The following AHI1 variants were observed in gnomAD, a reference collection of about 807,000 sequenced individuals.
AHI1 encodes the protein Abelson helper integration site 1, also known as jouberin.
In AHI1, 123 loss-of-function variants were observed where a neutral mutation model predicts 149.3. The ratio of observed to expected loss-of-function variants is 0.82; its 90% CI spans 0.71 to 0.96. The LOEUF is 0.96. Among genes scored for constraint, AHI1 ranks in the 40% least tolerant of loss-of-function variants. The probability of loss-of-function intolerance (pLI) is 0.00; values close to 1 mark genes in which losing one functional copy is unlikely to be tolerated. For synonymous variants in AHI1, 475 were observed against 459.8 expected (o/e 1.03, Z -0.42); for missense variants, 1,439 against 1,422.7 (o/e 1.01, Z -0.18).
intron 25 of AHI1, among the ~76,000 whole-genome samples, chr6:135,319,566 T>C (rs1271094623): frequency 6.6e-6 from 1 of 152,228 alleles, no homozygotes; most frequent in East Asian, 1.9e-4. Flanking sequence ...TATACAGTGT[T>C]GAATTTAAGA....
intron 22 of AHI1, 50 bp downstream of exon 22, chr6:135,404,901 A>T: frequency 6.5e-7 from 1 of 1,550,114 alleles, no homozygotes; most frequent in Non-Finnish European, 8.9e-7. Flanking sequence ...AGTTCTTTGG[A>T]GCATCACTAT....
At chr6:135,491,949 T>G (rs1383628180) in intron 4 of AHI1, among the ~76,000 whole-genome samples, 1 of 152,184 alleles carries the variant, frequency 6.6e-6, no homozygotes, top group African/African-American at 2.4e-5. Flanking sequence ...AACATTCAAT[T>G]TTGATGATAA....
At chr6:135,482,179 A>G (rs748534390) in intron 5 of AHI1, among the ~76,000 whole-genome samples, 6 of 152,140 alleles carry the variant, frequency 3.9e-5, no homozygotes, top group Non-Finnish European at 5.9e-5. Context: ...TCAAGTACAC[A>G]TAAGTTAAAA....
intron 23 of AHI1, among the ~76,000 whole-genome samples, chr6:135,393,182 C>G (rs9321503): frequency 6.6e-6 from 1 of 151,760 alleles, no homozygotes; most frequent in African/African-American, 2.4e-5. Context: ...TTATCATATC[C>G]CTCTTTCCCT....
intron 24 of AHI1, among the ~76,000 whole-genome samples, chr6:135,357,333 T>C (rs964920709): frequency 2.6e-5 from 4 of 152,216 alleles, no homozygotes; most frequent in Non-Finnish European, 5.9e-5. Flanking sequence ...AACATTGACA[T>C]GACTTTCAAA....
At chr6:135,479,582 CTTT>C (rs1177041860) in intron 5 of AHI1, among the ~76,000 whole-genome samples, 2 of 151,802 alleles carry the variant, frequency 1.3e-5, no homozygotes, top group Non-Finnish European at 1.5e-5. Context: ...AAGTAACTAA[CTTT>C]TTTTTTATTT....
chr6:135,415,347 T>A (rs1177899292), intron 20 of AHI1, among the ~76,000 whole-genome samples: 2 of 152,166 alleles, frequency 1.3e-5, no homozygotes, highest in Non-Finnish European at 2.9e-5. Context: ...GATGGCTGTG[T>A]CAAATGGTAT....
intron 8 of AHI1, among the ~76,000 whole-genome samples, chr6:135,458,609 G>A (rs1240893273): frequency 6.6e-6 from 1 of 152,144 alleles, no homozygotes; most frequent in Non-Finnish European, 1.5e-5. Flanking sequence ...ACCAATTCTG[G>A]TCACAGTTCT....
intron 23 of AHI1, among the ~76,000 whole-genome samples, chr6:135,370,772 C>CT (rs925491825): frequency 7.9e-5 from 12 of 152,104 alleles, no homozygotes; most frequent in Non-Finnish European, 1.8e-4. Flanking sequence ...AAGCAAAACT[C>CT]TACTTCCAAT....
At position 135,457,516 on chromosome 6, in the gene AHI1, G is replaced by A; in HGVS notation, c.1129C>T (p.Gln377Ter). Residue 377 changes from glutamine (Q) to a stop codon, truncating the protein, a stop_gained, in exon 9 of 29, where the codon CAA (glutamine) becomes TAA (stop). Coordinates refer to ENST00000265602, the MANE Select transcript of AHI1 (RefSeq NM_001134831.2). LOFTEE classifies it high-confidence loss of function. ...KIHVVDEHTG[Q>*]YVKKDDSGRP... ...TACCTATCATCTTTCTTGACATATT[G>A]ACCAGTATGCTCATCAACCACATGA... 1 of 1,613,076 alleles carries A rather than the reference G, an allele frequency of 6.2e-7. No individual in the cohort carries two copies. The highest frequency in any genetic ancestry group is 8.5e-7 in the Non-Finnish European group (1 of 1,179,422).
intron 24 of AHI1, among the ~76,000 whole-genome samples, chr6:135,343,166 A>C (rs1181528401): frequency 6.6e-6 from 1 of 151,944 alleles, no homozygotes; most frequent in Non-Finnish European, 1.5e-5. Flanking sequence ...AAACATCTTT[A>C]CCTGAGTAAT....
At chr6:135,413,779 C>T (rs1050383914) in intron 20 of AHI1, among the ~76,000 whole-genome samples, 2 of 151,322 alleles carry the variant, frequency 1.3e-5, no homozygotes, top group Non-Finnish European at 2.9e-5. Context: ...AAAAAAGTGA[C>T]ATACTTTGGG....
chr6:135,285,853 T>C (rs1781617118), intron 28 of AHI1, among the ~76,000 whole-genome samples: 1 of 152,244 alleles, frequency 6.6e-6, no homozygotes, highest in Admixed American at 6.5e-5. Flanking sequence ...CATCTTTTTG[T>C]ATCATTAGCA....
chr6:135,418,638 C>T (rs540508268), intron 20 of AHI1, among the ~76,000 whole-genome samples: 17 of 152,032 alleles, frequency 1.1e-4, no homozygotes, highest in Non-Finnish European at 2.1e-4. Context: ...TATGTACTTA[C>T]ATTATTGACT....
chr6:135,473,329 A>C (rs544407827), intron 5 of AHI1, among the ~76,000 whole-genome samples: 1 of 152,304 alleles, frequency 6.6e-6, no homozygotes, highest in South Asian at 2.1e-4. Flanking sequence ...TGACAATTCC[A>C]GATTGTATTC....
At chr6:135,472,243 T>C (rs1238832252) in intron 5 of AHI1, among the ~76,000 whole-genome samples, 1 of 152,100 alleles carries the variant, frequency 6.6e-6, no homozygotes, top group Non-Finnish European at 1.5e-5. Context: ...GGTATCACAA[T>C]AGCTTTGCCT....
chr6:135,374,108 A>AT (rs869245989), intron 23 of AHI1, among the ~76,000 whole-genome samples: 4 of 49,814 alleles, frequency 8.0e-5, no homozygotes, highest in Admixed American at 2.9e-4. Flanking sequence ...ATATATATAT[A>AT]TTTTTTTTTT....
chr6:135,311,796 G>C (rs1164575757), intron 26 of AHI1, among the ~76,000 whole-genome samples: 4 of 152,158 alleles, frequency 2.6e-5, no homozygotes, highest in African/African-American at 9.7e-5. Flanking sequence ...AGCACACCTT[G>C]GTAAAAATGT....
chr6:135,326,426 T>TC (rs1213095521), intron 24 of AHI1, among the ~76,000 whole-genome samples: 3 of 152,190 alleles, frequency 2.0e-5, no homozygotes, highest in African/African-American at 7.2e-5. Flanking sequence ...TTCTTCTTCT[T>TC]CTTCTTTTTT....
Sources: allele counts gnomAD v4.1 joint callset (sites outside exome capture counted in the v4.1 genomes callset), GRCh38; gene constraint gnomAD v4.1.1; transcripts MANE v1.5; gene names NCBI Gene and HGNC (gene_info 2026-07-23, HGNC 2026-07-21).